The following ROBO1 variants were observed in gnomAD, a reference collection of about 807,000 sequenced individuals.
ROBO1 encodes the protein roundabout homolog 1.
A neutral mutation model predicts 195.9 loss-of-function variants in ROBO1; 149 were observed. The observed-to-expected ratio is 0.76, with a 90% CI of 0.67 to 0.87. ROBO1 has a LOEUF of 0.87. Among genes scored for constraint, ROBO1 ranks in the 40% least tolerant of loss-of-function variants. ROBO1 has a pLI of 0.00. For synonymous variants in ROBO1, 816 were observed against 733.2 expected (o/e 1.11, Z -1.82); for missense variants, 1,933 against 2,068.3 (o/e 0.93, Z 1.27).
chr3:79,004,188 C>A (rs1423126865), intron 3 of ROBO1, among the ~76,000 whole-genome samples: 2 of 152,080 alleles, frequency 1.3e-5, no homozygotes, highest in Non-Finnish European at 2.9e-5. Flanking sequence ...ACAAGTTGTT[C>A]CAAGACTTTT....
At chr3:78,900,959 T>G (rs1228826490) in intron 4 of ROBO1, among the ~76,000 whole-genome samples, 1 of 152,142 alleles carries the variant, frequency 6.6e-6, no homozygotes, top group African/African-American at 2.4e-5. Context: ...TCATCTCATC[T>G]GTCTCTTTCT....
intron 2 of ROBO1, among the ~76,000 whole-genome samples, chr3:79,444,969 T>C (rs896101324): frequency 6.6e-6 from 1 of 151,892 alleles, no homozygotes; most frequent in Non-Finnish European, 1.5e-5. Context: ...GAGATTAAGA[T>C]GGCAGGGATG....
Position 79,446,882 on chromosome 3 carries a change from G to A in ROBO1, c.88+142942C>T, listed in dbSNP as rs1215516213. ...TCTGTCACCTAGGCTGGAGTGCAGTGGTGCGATCTCGGCTCACTGTGACCT... is the reference window on the plus strand; with the variant it reads ...TCTGTCACCTAGGCTGGAGTGCAGTAGTGCGATCTCGGCTCACTGTGACCT... On this transcript the variant is annotated intron_variant, in intron 2 of 30. Transcript: ENST00000464233. 1.1e-4 allele frequency among the ~76,000 whole-genome samples: 17 copies of A among 152,156 alleles called. 1 individual carries two copies. The highest frequency in any genetic ancestry group is 1.1e-3 in the Admixed American group (17 of 15,282).
intron 2 of ROBO1, among the ~76,000 whole-genome samples, chr3:79,398,455 A>G (rs1316607343): frequency 1.3e-5 from 2 of 152,158 alleles, no homozygotes; most frequent in Non-Finnish European, 2.9e-5. Context: ...ATAGGTGTGT[A>G]GTATTATTGA....
chr3:79,637,961 A>G (rs895007772), intron 1 of ROBO1, among the ~76,000 whole-genome samples: 1 of 152,180 alleles, frequency 6.6e-6, no homozygotes, highest in Admixed American at 6.6e-5. Flanking sequence ...AATGTTGAGT[A>G]TTCTCTAAAA....
At chr3:79,233,446 A>G (rs367771004) in intron 2 of ROBO1, among the ~76,000 whole-genome samples, 2 of 152,162 alleles carry the variant, frequency 1.3e-5, no homozygotes, top group Non-Finnish European at 2.9e-5. Context: ...ATGTATAGAT[A>G]AAGCATATAA....
At chr3:79,510,481 A>G (rs2107538630) in intron 2 of ROBO1, among the ~76,000 whole-genome samples, 1 of 152,032 alleles carries the variant, frequency 6.6e-6, no homozygotes, top group South Asian at 2.1e-4. Context: ...ATATGGTAAT[A>G]TATACACATC....
intron 2 of ROBO1, among the ~76,000 whole-genome samples, chr3:79,525,416 A>G (rs1429065918): frequency 4.7e-5 from 7 of 149,576 alleles, no homozygotes; most frequent in African/African-American, 1.7e-4. Flanking sequence ...AGCTCCTACC[A>G]TACCAATATG....
At chr3:78,839,610 C>T (rs2033032835) in intron 4 of ROBO1, among the ~76,000 whole-genome samples, 1 of 152,006 alleles carries the variant, frequency 6.6e-6, no homozygotes, top group Non-Finnish European at 1.5e-5. Context: ...TGATAAAGCC[C>T]TTTCATTAGT....
At chr3:79,633,107 G>T (rs560751279) in intron 1 of ROBO1, among the ~76,000 whole-genome samples, 1 of 151,494 alleles carries the variant, frequency 6.6e-6, no homozygotes, top group Non-Finnish European at 1.5e-5. Flanking sequence ...ATGAAATTTG[G>T]CAGTAGAAAG....
At chr3:78,943,474 C>A (rs918631960) in intron 3 of ROBO1, among the ~76,000 whole-genome samples, 1 of 152,104 alleles carries the variant, frequency 6.6e-6, no homozygotes, top group Admixed American at 6.6e-5. Flanking sequence ...AATGTCTCAG[C>A]AATAAAAATG....
intron 2 of ROBO1, among the ~76,000 whole-genome samples, chr3:79,169,257 T>A (rs2081125623): frequency 6.6e-6 from 1 of 152,202 alleles, no homozygotes; most frequent in African/African-American, 2.4e-5. Flanking sequence ...ATAATCTACA[T>A]TAATTTTATA....
intron 1 of ROBO1, among the ~76,000 whole-genome samples, chr3:79,680,377 A>G (rs1372191132): frequency 1.3e-5 from 2 of 152,058 alleles, no homozygotes; most frequent in African/African-American, 2.4e-5. Context: ...CAAAGAACAA[A>G]TAAACTTACT....
At chr3:79,676,859 G>A (rs73849486) in intron 1 of ROBO1, among the ~76,000 whole-genome samples, 1,671 of 152,120 alleles carry the variant, frequency 0.011, 24 homozygotes, top group African/African-American at 0.038. Context: ...TCTGTCTGCT[G>A]CAAAACAAAT....
intron 4 of ROBO1, among the ~76,000 whole-genome samples, chr3:78,912,474 T>C (rs952136838): frequency 6.6e-6 from 1 of 152,084 alleles, no homozygotes; most frequent in African/African-American, 2.4e-5. Flanking sequence ...ACTGTACCCA[T>C]ATGTCCTTTA....
chr3:79,398,096 C>CT (rs1417889808), intron 2 of ROBO1, among the ~76,000 whole-genome samples: 1 of 152,024 alleles, frequency 6.6e-6, no homozygotes, highest in Non-Finnish European at 1.5e-5. Context: ...ATTTTTAAAA[C>CT]TTTTTTTCAA....
rs149208986 is a variant in ROBO1, at chr3:79,710,426, G to A, written c.-51+57326C>T. Among the ~76,000 whole-genome samples, 186 of 152,232 alleles carry A rather than the reference G, an allele frequency of 1.2e-3. 2 individuals carry two copies. The highest frequency in any genetic ancestry group is 4.1e-3 in the African/African-American group (172 of 41,556). On this transcript the variant is annotated intron_variant, in intron 1 of 30. Transcript: ENST00000464233. ...TACTCAGCAGCCAAAATGGAAGCCA[G>A]AAAACAGTCTAACAAGGTCACCAAA... is the stretch of plus-strand genomic sequence containing the variant.
intron 2 of ROBO1, among the ~76,000 whole-genome samples, chr3:79,410,774 G>A (rs1302247495): frequency 6.6e-6 from 1 of 152,078 alleles, no homozygotes; most frequent in Non-Finnish European, 1.5e-5. Context: ...AATTCGGTTG[G>A]CAGCAGAGCA....
chr3:78,770,835 C>A (rs1158787509), intron 4 of ROBO1, among the ~76,000 whole-genome samples: 1 of 152,084 alleles, frequency 6.6e-6, no homozygotes, highest in Non-Finnish European at 1.5e-5. Context: ...GAGGCCAAGG[C>A]TGGAGGATCA....
Sources: allele counts gnomAD v4.1 joint callset (sites outside exome capture counted in the v4.1 genomes callset), GRCh38; gene constraint gnomAD v4.1.1; transcripts MANE v1.5; gene names NCBI Gene and HGNC (gene_info 2026-07-23, HGNC 2026-07-21).